UBXN2A: variants seen among roughly 807,000 people sequenced by gnomAD.
The protein encoded by UBXN2A is UBX domain-containing protein 2A.
UBXN2A carries 28 observed loss-of-function variants against 28.4 expected under a neutral mutation model. That is an observed-to-expected ratio of 0.99 (90% CI 0.73 to 1.35). UBXN2A has a LOEUF of 1.35. Ranked by LOEUF, UBXN2A falls within the 40% of genes most tolerant of loss-of-function variation. The probability of loss-of-function intolerance (pLI) is 0.00; values close to 1 mark genes in which losing one functional copy is unlikely to be tolerated. For missense variants in UBXN2A, 253 were observed against 297.9 expected (o/e 0.85, Z 1.11); for synonymous variants, 97 against 103.6 (o/e 0.94, Z 0.39).
chr2:23,977,325 TC>T (rs1558299799), intron 4 of UBXN2A: 1 of 69,318 alleles, frequency 1.4e-5, no homozygotes, highest in Non-Finnish European at 2.6e-5. Flanking sequence ...ATGCCCTGTC[TC>T]CAAAAAAAAA....
rs113041322 is a variant in UBXN2A, at chr2:23,989,246, A to ATG, written c.584+4433_584+4434dup. Among the ~76,000 whole-genome samples, 786 of 148,886 alleles carry ATG rather than the reference A, an allele frequency of 5.3e-3. 4 individuals carry two copies. Among genetic ancestry groups the ATG allele is most frequent in the East Asian group, 0.013 (65 of 5,044 alleles). Reference sequence around the variant, plus strand: ...ACACAAAAAACCTATACATATACATATGTGTGTGTGTGTGTGTGTATGTAT... The same window carrying ATG: ...ACACAAAAAACCTATACATATACATATGTGTGTGTGTGTGTGTGTGTATGTAT... On this transcript the variant is annotated intron_variant, in intron 6 of 6. Transcript: ENST00000309033.
chr2:23,943,909 A>G, intron 1 of UBXN2A: 2 of 418,020 alleles, frequency 4.8e-6, no homozygotes, highest in East Asian at 5.5e-5. Flanking sequence ...TTTAGCCCTC[A>G]GCTTTGTATC....
At chr2:23,977,327 C>CA (rs1224998514) in intron 4 of UBXN2A, 297 of 20,164 alleles carry the variant, frequency 0.015, no homozygotes, top group Middle Eastern at 0.077. Flanking sequence ...GCCCTGTCTC[C>CA]AAAAAAAAAA....
In UBXN2A at chr2:24,003,357, T is replaced by C. The variant is rs1470984816; in HGVS notation, c.*3490T>C. 6.6e-6 allele frequency: 1 copy of C among 152,198 alleles called. No homozygotes were observed. 9.4% of individuals were successfully genotyped at this position (152,198 alleles called of 1,614,324 possible). ...TTCCCTTTTGTCACTGAACCAATCA[T>C]GACATAAACTTGTGCTTTACCTCCT... On this transcript the variant is annotated 3_prime_UTR_variant, in exon 7 of 7. Transcript: ENST00000309033.
intron 1 of UBXN2A, among the ~76,000 whole-genome samples, chr2:23,953,281 T>G (rs946803071): frequency 5.3e-5 from 8 of 152,300 alleles, no homozygotes; most frequent in Non-Finnish European, 1.2e-4. Context: ...ACTTTTCAAG[T>G]GTGTATAAAA....
intron 3 of UBXN2A, among the ~76,000 whole-genome samples, chr2:23,976,287 T>C (rs75789949): frequency 0.021 from 3,224 of 152,282 alleles, 45 homozygotes; most frequent in Non-Finnish European, 0.032. Flanking sequence ...CTTCAGTGGA[T>C]TGGTTGTCGA....
At chr2:23,976,279 T>A (rs910681592) in intron 3 of UBXN2A, among the ~76,000 whole-genome samples, 2 of 152,188 alleles carry the variant, frequency 1.3e-5, no homozygotes, top group Non-Finnish European at 2.9e-5. Flanking sequence ...CCTTCTTCCT[T>A]CAGTGGATTG....
At chr2:23,984,410 G>A (rs760019976) in intron 5 of UBXN2A, among the ~76,000 whole-genome samples, 83 of 152,182 alleles carry the variant, frequency 5.5e-4, no homozygotes, top group Non-Finnish European at 1.0e-3. Flanking sequence ...TATCCATTCT[G>A]TAAAGCACTA....
chr2:23,938,090 G>A (rs190378525), upstream of UBXN2A, among the ~76,000 whole-genome samples: 8 of 152,222 alleles, frequency 5.3e-5, no homozygotes, highest in East Asian at 1.9e-4. Flanking sequence ...TGTGGCGCAC[G>A]ACTATAAATG....
upstream of UBXN2A, among the ~76,000 whole-genome samples, chr2:23,938,640 G>A (rs1705610293): frequency 6.6e-6 from 1 of 150,820 alleles, no homozygotes. Flanking sequence ...TGAAAAAGAG[G>A]AGCAAAGTTG....
Position 23,990,457 on chromosome 2 carries a change from T to C in UBXN2A, c.584+5626T>C, listed in dbSNP as rs1240194986. Among the ~76,000 whole-genome samples the C allele has an allele frequency of 2.7e-5, 4 of 145,466 alleles. No homozygotes were observed. The Admixed American group carries it at 3.0e-4, about 11-fold the overall frequency. ...GTAGACTGAATAATTATTTTTATAATGGAAGACAGTAATCAAAAAATATTT... is the reference window on the plus strand; with the variant it reads ...GTAGACTGAATAATTATTTTTATAACGGAAGACAGTAATCAAAAAATATTT... On this transcript the variant is annotated intron_variant, in intron 6 of 6. Coordinates refer to ENST00000309033, the MANE Select transcript of UBXN2A (RefSeq NM_181713.4).
At chr2:23,970,208 C>T (rs1482428382) in intron 2 of UBXN2A, among the ~76,000 whole-genome samples, 1 of 152,100 alleles carries the variant, frequency 6.6e-6, no homozygotes, top group Non-Finnish European at 1.5e-5. Flanking sequence ...TGGTTGAGCC[C>T]TGGAGGTTGA....
At chr2:23,929,723 AAAT>A (rs1317666016) in intron 1 of UBXN2A, among the ~76,000 whole-genome samples, 9 of 151,870 alleles carry the variant, frequency 5.9e-5, no homozygotes, top group Non-Finnish European at 1.2e-4. Flanking sequence ...AAAAAAAAAT[AAAT>A]AAATAAAAAG....
chr2:23,971,138 G>C, intron 2 of UBXN2A, 138 bp from the exon 3 acceptor site: 1 of 942,474 alleles, frequency 1.1e-6, no homozygotes, highest in Non-Finnish European at 1.5e-6. Flanking sequence ...CTTCCCCAAG[G>C]TTATATTAAC....
At position 23,935,424 on chromosome 2, in the gene UBXN2A, G is replaced by A. The variant is rs932320619; in HGVS notation, c.-137-4116G>A. Among the ~76,000 whole-genome samples the A allele has an allele frequency of 3.3e-5, 5 of 151,992 alleles. No homozygotes were observed. The South Asian group carries it at 6.2e-4, about 19-fold the overall frequency. On this transcript the variant is annotated intron_variant, in intron 1 of 7. Coordinates refer to the UBXN2A transcript ENST00000404924. The stretch of plus-strand genomic sequence containing the variant: ...ACAAAAAAAACCTATTTGAAAATTC[G>A]CAAGGAGTTAAATAGGCGTTTCTCC...
Position 23,984,740 on chromosome 2 carries a change from G to T in UBXN2A, c.493G>T (p.Val165Phe), listed in dbSNP as rs1708054660. ...EVENKNNLSA[V>F]PLNNLEPITN... The stretch of plus-strand genomic sequence containing the variant: ...TGAAAATAAAAATAATTTGTCTGCT[G>T]TTCCACTGAACAACTTGGAACCCAT... Residue 165 changes from valine (V) to phenylalanine (F), a missense_variant, in exon 6 of 7, where the codon GTT becomes TTT. Transcript: ENST00000309033. 6.4e-7 allele frequency: 1 copy of T among 1,565,264 alleles called. No individual in the cohort carries two copies. Among genetic ancestry groups the T allele is most frequent in the South Asian group, 1.2e-5 (1 of 81,248 alleles).
chr2:23,944,273 G>A, intron 1 of UBXN2A: 3 of 1,605,002 alleles, frequency 1.9e-6, no homozygotes, highest in Admixed American at 3.4e-5. Context: ...GAAAAGGCCT[G>A]AAGATTCCCC....
At chr2:23,933,104 C>A (rs1358147427) in intron 1 of UBXN2A, among the ~76,000 whole-genome samples, 1 of 149,606 alleles carries the variant, frequency 6.7e-6, no homozygotes, top group Non-Finnish European at 1.5e-5. Context: ...GACTCCATCT[C>A]AAAAAAATAA....
At chr2:23,958,379 C>T in intron 2 of UBXN2A, 24 bp downstream of exon 2, 1 of 1,585,976 alleles carries the variant, frequency 6.3e-7, no homozygotes, top group Non-Finnish European at 8.6e-7. Flanking sequence ...AACTGAATTG[C>T]TTTGTTAATG....
Sources: gnomAD v4.1 joint callset for allele counts (sites outside exome capture counted in the v4.1 genomes callset) on GRCh38, gnomAD v4.1.1 for gene constraint, MANE v1.5 for transcripts, NCBI Gene and HGNC (gene_info 2026-07-23, HGNC 2026-07-21) for gene names.